The following FEZ1 variants were observed in gnomAD, a reference collection of about 807,000 sequenced individuals.
FEZ1 encodes the protein fasciculation and elongation protein zeta 1, also known as fasciculation and elongation protein zeta-1.
In FEZ1, 20 loss-of-function variants were observed where a neutral mutation model predicts 49.3. The ratio of observed to expected loss-of-function variants is 0.41; its 90% CI spans 0.29 to 0.59. The LOEUF is 0.59. Among genes scored for constraint, FEZ1 ranks in the 20% least tolerant of loss-of-function variants. FEZ1 has a pLI of 0.36. For synonymous variants in FEZ1, 170 were observed against 180.9 expected, an observed-to-expected ratio of 0.94 and a Z score of 0.48; for missense variants, 413 against 476.0, an observed-to-expected ratio of 0.87 and a Z score of 1.23.
chr11:125,445,393 G>T lies in FEZ1; in HGVS notation c.*702C>A, dbSNP rs1470608218. On this transcript the variant is annotated 3_prime_UTR_variant, in exon 10 of 10. Coordinates refer to ENST00000278919, the MANE Select transcript of FEZ1 (RefSeq NM_005103.5). This position sits in a 1 kb window ranked among gnomAD's most constrained non-coding sequence, Gnocchi z 4.4. ...GGCCAGCCTGGCCATCCCACCAGGA[G>T]ATCTGCAGCTGTGTGGCTCCTCCAT... is the stretch of plus-strand genomic sequence containing the variant. Among the ~76,000 whole-genome samples, 1 of 152,242 alleles carries T rather than the reference G, an allele frequency of 6.6e-6. No individual in the cohort carries two copies. Among genetic ancestry groups the T allele is most frequent in the Non-Finnish European group, 1.5e-5 (1 of 68,050 alleles).
intron 3 of FEZ1, among the ~76,000 whole-genome samples, chr11:125,469,768 G>A (rs1263469342): frequency 6.6e-6 from 1 of 151,198 alleles, no homozygotes; most frequent in Non-Finnish European, 1.5e-5. Context: ...GTAGAGACAG[G>A]GTCTTACTGT....
At position 125,489,170 on chromosome 11, in the gene FEZ1, TA is replaced by T; in HGVS notation, c.311+296del. 2 of 1,064,708 alleles carry T rather than the reference TA, an allele frequency of 1.9e-6. No homozygotes were observed. Among genetic ancestry groups the T allele is most frequent in the Non-Finnish European group, 2.3e-6 (2 of 882,600 alleles). 66.0% of individuals were successfully genotyped at this position (1,064,708 alleles called of 1,614,324 possible). Reference sequence around the variant, plus strand: ...TAATATCTCGCTGGATTTCCACTGATATAAAGAAAGCTTAAGATAGACAGAC... The same window carrying T: ...TAATATCTCGCTGGATTTCCACTGATTAAAGAAAGCTTAAGATAGACAGAC... On this transcript the variant is annotated intron_variant, in intron 2 of 9. Transcript: ENST00000278919. The surrounding 1 kb of genome is among the most constrained non-coding windows in gnomAD (Gnocchi z 4.2).
At chr11:125,449,568 C>G (rs555874355) in intron 8 of FEZ1, among the ~76,000 whole-genome samples, 58 of 151,680 alleles carry the variant, frequency 3.8e-4, no homozygotes, top group African/African-American at 1.4e-3. Flanking sequence ...GAAAAAAAAT[C>G]TAGAACAATA....
chr11:125,446,478 A>C (rs1353063229), intron 9 of FEZ1, among the ~76,000 whole-genome samples: 2 of 152,208 alleles, frequency 1.3e-5, no homozygotes, highest in African/African-American at 4.8e-5. Context: ...TCACTTGTAC[A>C]AATTCAGTGA....
chr11:125,489,023 C>A lies in FEZ1; in HGVS notation c.311+444G>T. ...TATCCTAACATCTGTAGATAACTCTCCAGGCCTGAGGGGCTGTCAAAAATT... is the reference window on the plus strand; with the variant it reads ...TATCCTAACATCTGTAGATAACTCTACAGGCCTGAGGGGCTGTCAAAAATT... On this transcript the variant is annotated intron_variant, in intron 2 of 9. Coordinates refer to ENST00000278919, the MANE Select transcript of FEZ1 (RefSeq NM_005103.5). The surrounding 1 kb of genome is among the most constrained non-coding windows in gnomAD (Gnocchi z 4.2). 1.0e-6 allele frequency: 1 copy of A among 986,318 alleles called. No individual in the cohort carries two copies. The allele number at this position is 986,318 out of a possible 1,614,324, so 61.1% of individuals were successfully genotyped here.
intron 3 of FEZ1, among the ~76,000 whole-genome samples, chr11:125,473,365 G>A (rs1338171634): frequency 6.6e-6 from 1 of 152,220 alleles, no homozygotes; most frequent in Non-Finnish European, 1.5e-5. Flanking sequence ...AAACCTTGAA[G>A]CCCAGCACTG....
At chr11:125,493,366 GA>G (rs1278272639) in intron 1 of FEZ1, among the ~76,000 whole-genome samples, 13 of 21,790 alleles carry the variant, frequency 6.0e-4, no homozygotes. Context: ...AGAGAGAAAA[GA>G]AAGAAAGAAA....
At chr11:125,466,315 T>TA (rs1167547418) in intron 3 of FEZ1, among the ~76,000 whole-genome samples, 2 of 151,982 alleles carry the variant, frequency 1.3e-5, no homozygotes, top group African/African-American at 4.8e-5. Context: ...ACTCCGTCTC[T>TA]AAAAAAATAG....
chr11:125,446,842 T>C (rs1456138205), intron 9 of FEZ1, among the ~76,000 whole-genome samples: 1 of 147,580 alleles, frequency 6.8e-6, no homozygotes, highest in Non-Finnish European at 1.5e-5. Flanking sequence ...TACACCTGGC[T>C]GATTTTTTTT....
intron 2 of FEZ1, among the ~76,000 whole-genome samples, chr11:125,487,099 G>A (rs895975429): frequency 1.3e-5 from 2 of 152,218 alleles, no homozygotes; most frequent in Admixed American, 1.3e-4. Flanking sequence ...ATAATCCCAT[G>A]TGATGGTAAT....
intron 7 of FEZ1, 60 bp from the exon 8 acceptor site, chr11:125,452,469 G>A: frequency 8.9e-7 from 1 of 1,122,444 alleles, no homozygotes. Flanking sequence ...TCTGGGTTGA[G>A]ATTTAGCCTT....
chr11:125,478,908 A>G (rs1957255858), intron 3 of FEZ1, among the ~76,000 whole-genome samples: 1 of 152,252 alleles, frequency 6.6e-6, no homozygotes, highest in Admixed American at 6.5e-5. Context: ...GTCAAAAGAG[A>G]TAACAAAGCA....
chr11:125,476,973 T>C lies in FEZ1; in HGVS notation c.411+4561A>G, dbSNP rs547941121. On this transcript the variant is annotated intron_variant, in intron 3 of 9. Transcript: ENST00000278919. ...ATCCCCAGCATGAAGGGAAGGACGT[T>C]CTCAGGACAGCAGCTGTGCAGCTGA... 2.6e-5 allele frequency among the ~76,000 whole-genome samples: 4 copies of C among 152,230 alleles called. No individual in the cohort carries two copies. In the East Asian group the frequency reaches 7.7e-4, roughly 29 times the overall value.
chr11:125,451,512 C>T (rs1956957062), intron 8 of FEZ1: 1 of 152,256 alleles, frequency 6.6e-6, no homozygotes, highest in Non-Finnish European at 1.5e-5. Context: ...GGCCCCTTCC[C>T]TCCAGAACAG....
intron 3 of FEZ1, among the ~76,000 whole-genome samples, chr11:125,477,856 C>CAAAAAAAAAAAA (rs11413508): frequency 3.5e-5 from 5 of 141,460 alleles, no homozygotes; most frequent in East Asian, 2.0e-4. Flanking sequence ...GAGCTTTATG[C>CAAAAAAAAAAAA]AAAAAAAAAA....
rs1416112207 is a variant in FEZ1, at chr11:125,444,226, C to A, written c.*1869G>T. Among the ~76,000 whole-genome samples the A allele has an allele frequency of 6.6e-6, 1 of 152,148 alleles. No individual in the cohort carries two copies. The highest frequency in any genetic ancestry group is 2.4e-5 in the African/African-American group (1 of 41,434). ...TGGACTAGAGCTTTAGGCATTGCAGCAGTTTTCCTGGGGGGATAAGTCTCC... is the reference window on the plus strand; with the variant it reads ...TGGACTAGAGCTTTAGGCATTGCAGAAGTTTTCCTGGGGGGATAAGTCTCC... On this transcript the variant is annotated 3_prime_UTR_variant, in exon 10 of 10. Coordinates refer to ENST00000278919, the MANE Select transcript of FEZ1 (RefSeq NM_005103.5).
chr11:125,456,369 A>G (rs1957011305), intron 5 of FEZ1: 1 of 402,964 alleles, frequency 2.5e-6, no homozygotes, highest in East Asian at 3.6e-5. Flanking sequence ...TGTGGACTCT[A>G]TTCTCAAAAA....
chr11:125,489,987 C>T lies in FEZ1; in HGVS notation c.-45-165G>A, dbSNP rs1423960625. 2.6e-5 allele frequency among the ~76,000 whole-genome samples: 4 copies of T among 152,162 alleles called. No individual in the cohort carries two copies. The highest frequency in any genetic ancestry group is 9.7e-5 in the African/African-American group (4 of 41,434). Reference sequence around the variant, plus strand: ...CGTCTAGGTTTGCATTCTGTTCTGTCCTACCAGCTGTGACCTTGGGCAAGT... The same window carrying T: ...CGTCTAGGTTTGCATTCTGTTCTGTTCTACCAGCTGTGACCTTGGGCAAGT... On this transcript the variant is annotated intron_variant, in intron 1 of 9. Coordinates refer to ENST00000278919, the MANE Select transcript of FEZ1 (RefSeq NM_005103.5). The surrounding 1 kb of genome is among the most constrained non-coding windows in gnomAD (Gnocchi z 4.2).
rs1040934577 is a variant in FEZ1 at position 125,443,327 on chromosome 11, G to A, written c.*2768C>T. On this transcript the variant is annotated 3_prime_UTR_variant, in exon 10 of 10. Transcript: ENST00000278919. ...AAGACCAGAAGAGGGAAAAGCTGAG[G>A]GAAGACAATTGGGTTCACCTGATAA... 2.0e-5 allele frequency among the ~76,000 whole-genome samples: 3 copies of A among 152,150 alleles called. No homozygotes were observed. The highest frequency in any genetic ancestry group is 7.2e-5 in the African/African-American group (3 of 41,426).
Sources: gnomAD v4.1 joint callset for allele counts (sites outside exome capture counted in the v4.1 genomes callset) on GRCh38, gnomAD v4.1.1 for gene constraint, Gnocchi (gnomAD v3.1) non-coding constraint, MANE v1.5 for transcripts, NCBI Gene and HGNC (gene_info 2026-07-23, HGNC 2026-07-21) for gene names.